The following EVI5L variants were observed in gnomAD, a reference collection of about 807,000 sequenced individuals.
EVI5L encodes the protein EVI5-like protein.
EVI5L carries 30 observed loss-of-function variants against 106.1 expected under a neutral mutation model. That is an observed-to-expected ratio of 0.28 (90% CI 0.21 to 0.38). EVI5L has a LOEUF of 0.38. Ranked by LOEUF, EVI5L falls within the 10% of genes least tolerant of loss-of-function variation. The probability of loss-of-function intolerance (pLI) is 1.00; values close to 1 mark genes in which losing one functional copy is unlikely to be tolerated. For synonymous variants in EVI5L, 489 were observed against 483.3 expected, an observed-to-expected ratio of 1.01 and a Z score of -0.15; for missense variants, 809 against 1,098.0, an observed-to-expected ratio of 0.74 and a Z score of 3.72.
At position 7,857,558 on chromosome 19, in the gene EVI5L, C is replaced by A; in HGVS notation, c.1233+434C>A. On this transcript the variant is annotated intron_variant, in intron 12 of 19. Transcript: ENST00000538904. This position sits in a 1 kb window ranked among gnomAD's most constrained non-coding sequence, Gnocchi z 4.5. ...CTGCTCTCTGCTCCTACCTGCAATG[C>A]CTGCTACCACCTTCTCTAGCTCACC... 1 of 230,704 alleles carries A rather than the reference C, an allele frequency of 4.3e-6. No homozygotes were observed. Among genetic ancestry groups the A allele is most frequent in the Non-Finnish European group, 8.6e-6 (1 of 116,872 alleles). The allele number at this position is 230,704 out of a possible 1,614,324, so 14.3% of individuals were successfully genotyped here. A position where few individuals can be genotyped will look rare whatever the true frequency, so the allele number is the denominator to read the frequency against.
chr19:7,863,074 G>T lies in EVI5L; in HGVS notation c.2043+7G>T. The T allele has an allele frequency of 2.0e-6, 3 of 1,523,154 alleles. No homozygotes were observed. In the South Asian group the frequency reaches 3.6e-5, roughly 18 times the overall value. The allele number at this position is 1,523,154 out of a possible 1,614,324, so 94.4% of individuals were successfully genotyped here. A position where few individuals can be genotyped will look rare whatever the true frequency, so the allele number is the denominator to read the frequency against. On this transcript the variant is annotated splice_region_variant and intron_variant, in intron 18 of 19. Coordinates refer to ENST00000538904, the MANE Select transcript of EVI5L (RefSeq NM_001159944.3). This position sits in a 1 kb window ranked among gnomAD's most constrained non-coding sequence, Gnocchi z 7.7. ...TGCCGAGCTGGAGATCCAGGTGATC[G>T]GCGGGGCCGGGGTCGGGGGGCGGGG...
rs1402369592 is a variant in EVI5L at position 7,835,287 on chromosome 19, C to T, written c.-48+4906C>T. 6.6e-6 allele frequency among the ~76,000 whole-genome samples: 1 copy of T among 152,078 alleles called. No homozygotes were observed. The highest frequency in any genetic ancestry group is 2.4e-5 in the African/African-American group (1 of 41,414). On this transcript the variant is annotated intron_variant, in intron 1 of 19. Transcript: ENST00000538904. This position sits in a 1 kb window ranked among gnomAD's most constrained non-coding sequence, Gnocchi z 4.1. ...CTTTGGGAGGCTGAGGCGGGTGCAT[C>T]ACCTGAGGTCAGGAGTTCGAGACCA...
At chr19:7,836,660 GGA>G (rs1307598465) in intron 1 of EVI5L, among the ~76,000 whole-genome samples, 1 of 150,544 alleles carries the variant, frequency 6.6e-6, no homozygotes, top group African/African-American at 2.4e-5. Flanking sequence ...TTTTTTAGAC[GGA>G]GTCTCTCACT....
At chr19:7,862,740 A>ACCCCCC in intron 17 of EVI5L, among the ~76,000 whole-genome samples, 1 of 23,184 alleles carries the variant, frequency 4.3e-5, no homozygotes, top group African/African-American at 1.9e-4. Context: ...CCTCCTGACC[A>ACCCCCC]CCCCCCCCCG....
At chr19:7,849,414 T>C in intron 5 of EVI5L, 84 bp downstream of exon 5, 1 of 1,448,716 alleles carries the variant, frequency 6.9e-7, no homozygotes, top group Non-Finnish European at 9.5e-7. Context: ...AGAAGTGGCG[T>C]GTCCTCCACC....
intron 6 of EVI5L, 47 bp from the exon 7 acceptor site, chr19:7,851,387 G>A: frequency 6.3e-7 from 1 of 1,580,550 alleles, no homozygotes; most frequent in Non-Finnish European, 8.6e-7. Flanking sequence ...CCCCCCGGTG[G>A]GAGGGCGTCC....
intron 13 of EVI5L, among the ~76,000 whole-genome samples, chr19:7,859,589 G>A (rs1012483313): frequency 2.6e-5 from 4 of 152,372 alleles, no homozygotes; most frequent in African/African-American, 9.6e-5. Flanking sequence ...GGCCCTCAGA[G>A]TCTGTGAGCA....
chr19:7,860,125 G>C (rs1208648871), intron 13 of EVI5L, among the ~76,000 whole-genome samples: 1 of 152,178 alleles, frequency 6.6e-6, no homozygotes, highest in African/African-American at 2.4e-5. Flanking sequence ...TCCCTGATTT[G>C]AAATGGAGGG....
chr19:7,852,444 G>A (rs573822220), intron 8 of EVI5L, among the ~76,000 whole-genome samples: 2 of 151,682 alleles, frequency 1.3e-5, no homozygotes, highest in Admixed American at 6.6e-5. Context: ...CGAGGCCCCC[G>A]GCATACCCAT....
In EVI5L at chr19:7,860,593, C is replaced by T. The variant is rs1484197989; in HGVS notation, c.1407C>T (p.Ser469=). The T allele has an allele frequency of 7.5e-6, 12 of 1,599,880 alleles. No homozygotes were observed. The highest frequency in any genetic ancestry group is 1.0e-5 in the Non-Finnish European group (12 of 1,173,874). The change falls in exon 14 of 20, where the codon TCC becomes TCT. Residue 469 remains serine (S), a synonymous_variant. Transcript: ENST00000538904. ...ENPRLTEDFV[S]HLETELEQSR... is the part of the protein sequence containing the mutation. ...CCCGCCTCACAGAAGACTTCGTGTC[C>T]CACCTGGAGACCGAGCTGGAGCAGT...
intron 8 of EVI5L, among the ~76,000 whole-genome samples, chr19:7,852,494 G>C (rs368608589): frequency 7.0e-6 from 1 of 143,384 alleles, no homozygotes. Flanking sequence ...CAGACCCCCC[G>C]ACCCTCAGCC....
rs756193292 is a variant in EVI5L at position 7,849,229 on chromosome 19, C to G, written c.553-27C>G. ...ACCGGCTGTGCTGGACGGCGGGACC[C>G]TGCTCTCAGGACTTGTTCCCTTCTA... On this transcript the variant is annotated intron_variant, in intron 4 of 19. Coordinates refer to ENST00000538904, the MANE Select transcript of EVI5L (RefSeq NM_001159944.3). The G allele has an allele frequency of 2.5e-5, 40 of 1,613,930 alleles. 1 individual carries two copies. In the South Asian group the frequency reaches 4.2e-4, roughly 17 times the overall value.
At chr19:7,841,036 G>T (rs534510469) in intron 1 of EVI5L, among the ~76,000 whole-genome samples, 2 of 152,132 alleles carry the variant, frequency 1.3e-5, no homozygotes, top group African/African-American at 4.8e-5. Flanking sequence ...CCATCCTACC[G>T]TATTGTTTAC....
intron 10 of EVI5L, among the ~76,000 whole-genome samples, chr19:7,853,846 T>G (rs951826410): frequency 1.3e-5 from 2 of 152,088 alleles, no homozygotes; most frequent in East Asian, 3.9e-4. Context: ...GGGCAGGGTG[T>G]GGGCACTCAC....
rs531937042 is a variant in EVI5L, at chr19:7,850,960, G to A, written c.754-474G>A. ...AGTTCAGGCCAATCCAACACAGCTTGCACAAAGCTTTATGCTGGGGTCCAA... is the reference window on the plus strand; with the variant it reads ...AGTTCAGGCCAATCCAACACAGCTTACACAAAGCTTTATGCTGGGGTCCAA... On this transcript the variant is annotated intron_variant, in intron 6 of 19. Coordinates refer to ENST00000538904, the MANE Select transcript of EVI5L (RefSeq NM_001159944.3). The surrounding 1 kb of genome is among the most constrained non-coding windows in gnomAD (Gnocchi z 5.4). Among the ~76,000 whole-genome samples the A allele has an allele frequency of 1.4e-4, 21 of 152,314 alleles. No homozygotes were observed. In the East Asian group the frequency reaches 2.7e-3, roughly 20 times the overall value.
chr19:7,863,511 C>T lies in EVI5L; in HGVS notation c.2227C>T (p.Leu743=). Residue 743 remains leucine, a synonymous_variant, in exon 20 of 20, where the codon CTG becomes TTG. Transcript: ENST00000538904. This position sits in a 1 kb window ranked among gnomAD's most constrained non-coding sequence, Gnocchi z 7.7. Reference sequence around the variant, plus strand: ...GGCGCGGCACTTGGACGAGGACTCGCTGCCGTCGTCGGACGAGGAGCTACT... The same window carrying T: ...GGCGCGGCACTTGGACGAGGACTCGTTGCCGTCGTCGGACGAGGAGCTACT... ...SLARHLDEDS[L]PSSDEELLGV... is the part of the protein sequence containing the mutation. 1 of 1,591,850 alleles carries T rather than the reference C, an allele frequency of 6.3e-7. No individual in the cohort carries two copies.
Position 7,851,425 on chromosome 19 carries a change from C to T in EVI5L, c.754-9C>T. On this transcript the variant is annotated splice_polypyrimidine_tract_variant and intron_variant, in intron 6 of 19. Coordinates refer to ENST00000538904, the MANE Select transcript of EVI5L (RefSeq NM_001159944.3). ...CTCACTGTGCCCACCCGGCCTCCCA[C>T]CCCTGCAGGAGCAGCTCCCAGACCT... The T allele has an allele frequency of 6.2e-7, 1 of 1,608,346 alleles. No homozygotes were observed. The highest frequency in any genetic ancestry group is 1.1e-5 in the South Asian group (1 of 89,928).
At chr19:7,861,492 TGCCTGGCCTGGTGTG>T (rs1306603833) in intron 14 of EVI5L, among the ~76,000 whole-genome samples, 6 of 152,256 alleles carry the variant, frequency 3.9e-5, no homozygotes, top group African/African-American at 1.4e-4. Context: ...GGAGAGGGAC[TGCCTGGCCTGGTGTG>T]GCCTGGCCTG....
Position 7,856,680 on chromosome 19 carries a change from C to T in EVI5L, c.1201-412C>T, listed in dbSNP as rs1469039030. ...GATTTGGTTGCCCTCACCCCAAAGCCTTGTTCTGCCTTAAAATTACAACGC... is the reference window on the plus strand; with the variant it reads ...GATTTGGTTGCCCTCACCCCAAAGCTTTGTTCTGCCTTAAAATTACAACGC... On this transcript the variant is annotated intron_variant, in intron 11 of 19. Coordinates refer to ENST00000538904, the MANE Select transcript of EVI5L (RefSeq NM_001159944.3). The surrounding 1 kb of genome is among the most constrained non-coding windows in gnomAD (Gnocchi z 6.6). Among the ~76,000 whole-genome samples, 4 of 152,126 alleles carry T rather than the reference C, an allele frequency of 2.6e-5. No individual in the cohort carries two copies. The highest frequency in any genetic ancestry group is 9.7e-5 in the African/African-American group (4 of 41,430).
Sources: gnomAD v4.1 joint callset for allele counts (sites outside exome capture counted in the v4.1 genomes callset) on GRCh38, gnomAD v4.1.1 for gene constraint, Gnocchi (gnomAD v3.1) non-coding constraint, MANE v1.5 for transcripts, NCBI Gene and HGNC (gene_info 2026-07-23, HGNC 2026-07-21) for gene names.